APCDD1: variants seen among roughly 807,000 people sequenced by gnomAD.
APCDD1 encodes the protein APC down-regulated 1.
In APCDD1, 15 loss-of-function variants were observed where a neutral mutation model predicts 38.1. The observed-to-expected ratio is 0.39, with a 90% confidence interval of 0.26 to 0.61. The LOEUF (loss-of-function observed/expected upper bound fraction) is 0.61, where lower values mean the gene tolerates loss of function less well. APCDD1 is among the 20% of genes least tolerant of loss of function. The pLI is 0.49. For synonymous variants in APCDD1, 261 were observed against 279.7 expected, an observed-to-expected ratio of 0.93 and a Z score of 0.67; for missense variants, 647 against 696.2, an observed-to-expected ratio of 0.93 and a Z score of 0.79.
At chr18:10,479,270 A>T (rs910333905) in intron 3 of APCDD1, among the ~76,000 whole-genome samples, 1 of 152,224 alleles carries the variant, frequency 6.6e-6, no homozygotes, top group Non-Finnish European at 1.5e-5. Context: ...TAGGAAAGGA[A>T]GTTTCCATCA....
chr18:10,473,806 G>T (rs1311093085), intron 3 of APCDD1, among the ~76,000 whole-genome samples: 1 of 152,134 alleles, frequency 6.6e-6, no homozygotes, highest in Non-Finnish European at 1.5e-5. Context: ...CACTGTAGCT[G>T]CATAGCATTT....
chr18:10,463,205 CAG>C (rs1027500410), intron 1 of APCDD1, among the ~76,000 whole-genome samples: 3 of 152,096 alleles, frequency 2.0e-5, no homozygotes, highest in African/African-American at 7.2e-5. Flanking sequence ...ATATTCAAGA[CAG>C]AGATGCCTCT....
At chr18:10,460,008 GT>G (rs2030490564) in intron 1 of APCDD1, among the ~76,000 whole-genome samples, 1 of 152,184 alleles carries the variant, frequency 6.6e-6, no homozygotes, top group Admixed American at 6.5e-5. Context: ...TCAAGTTCAG[GT>G]TTTTTCCCTT....
rs512288 is a variant in APCDD1 at position 10,466,692 on chromosome 18, A to C, written c.59-1777A>C. On this transcript the variant is annotated intron_variant, in intron 1 of 4. Transcript: ENST00000355285. ...CACTCTAGTGGAGATGCCTTGCCTCAATGGAACTTGAGGCCTCAGGAAAGG... is the reference window on the plus strand; with the variant it reads ...CACTCTAGTGGAGATGCCTTGCCTCCATGGAACTTGAGGCCTCAGGAAAGG... 2.6e-5 allele frequency among the ~76,000 whole-genome samples: 4 copies of C among 152,082 alleles called. No individual in the cohort carries two copies. The South Asian group carries it at 8.3e-4, about 32-fold the overall frequency.
At chr18:10,465,072 A>G (rs1187267545) in intron 1 of APCDD1, among the ~76,000 whole-genome samples, 1 of 152,236 alleles carries the variant, frequency 6.6e-6, no homozygotes, top group African/African-American at 2.4e-5. Flanking sequence ...ACGAGTAGAC[A>G]GAGGCTTGGA....
In APCDD1 at chr18:10,454,938, A is replaced by G; in HGVS notation, c.-44A>G. On this transcript the variant is annotated 5_prime_UTR_variant, in exon 1 of 5. Coordinates refer to ENST00000355285, the MANE Select transcript of APCDD1 (RefSeq NM_153000.5). ...GCGCGCGCCCAGTTGCCCGGGCACCAAATCGGAGCGCGGCGTGCGGGAGGC... is the reference window on the plus strand; with the variant it reads ...GCGCGCGCCCAGTTGCCCGGGCACCGAATCGGAGCGCGGCGTGCGGGAGGC... The G allele has an allele frequency of 6.7e-7, 1 of 1,487,840 alleles. No individual in the cohort carries two copies. Among genetic ancestry groups the G allele is most frequent in the Non-Finnish European group, 9.0e-7 (1 of 1,115,868 alleles). 92.2% of individuals were successfully genotyped at this position (1,487,840 alleles called of 1,614,324 possible). A position where few individuals can be genotyped will look rare whatever the true frequency, so the allele number is the denominator to read the frequency against.
At chr18:10,482,864 A>G (rs951611209) in intron 3 of APCDD1, among the ~76,000 whole-genome samples, 5 of 152,338 alleles carry the variant, frequency 3.3e-5, no homozygotes, top group South Asian at 2.1e-4. Context: ...GTAGTTGACC[A>G]AGGAAACGTA....
intron 1 of APCDD1, among the ~76,000 whole-genome samples, chr18:10,462,869 A>C (rs903412668): frequency 2.0e-5 from 3 of 152,128 alleles, no homozygotes; most frequent in Non-Finnish European, 4.4e-5. Flanking sequence ...CCATTGCAGT[A>C]GCCTTATCAT....
At chr18:10,479,125 TTATC>T (rs1331792371) in intron 3 of APCDD1, among the ~76,000 whole-genome samples, 1 of 152,140 alleles carries the variant, frequency 6.6e-6, no homozygotes, top group Admixed American at 6.5e-5. Flanking sequence ...ACCTGCAGGG[TTATC>T]TACAGCAGAA....
intron 3 of APCDD1, among the ~76,000 whole-genome samples, chr18:10,481,267 A>C (rs762593892): frequency 6.6e-6 from 1 of 152,266 alleles, no homozygotes; most frequent in Non-Finnish European, 1.5e-5. Context: ...CATCAATCAC[A>C]GTAGCCAAGA....
chr18:10,460,487 C>T (rs1378683207), intron 1 of APCDD1, among the ~76,000 whole-genome samples: 2 of 149,878 alleles, frequency 1.3e-5, no homozygotes, highest in Non-Finnish European at 3.0e-5. Flanking sequence ...GAGCCGAGAT[C>T]GTGCCACTGC....
Position 10,468,556 on chromosome 18 carries a change from A to T in APCDD1, c.146A>T (p.Glu49Val), listed in dbSNP as rs1299346701. ...AAAAGTGCCTGGAGGGCTTTTAAGG[A>T]GTCACAGTGCCATCACATGCTCAAA... ...LEKSAWRAFK[E>V]SQCHHMLKHL... The change falls in exon 2 of 5, where the codon GAG becomes GTG. Residue 49 changes from glutamate (E) to valine (V), a missense_variant. Physicochemically the swap from Glu to Val is moderately radical, Grantham distance 121 (BLOSUM62 -2). Coordinates refer to ENST00000355285, the MANE Select transcript of APCDD1 (RefSeq NM_153000.5). 1.2e-6 allele frequency: 2 copies of T among 1,614,014 alleles called. No homozygotes were observed. Among genetic ancestry groups the T allele is most frequent in the Admixed American group, 1.7e-5 (1 of 60,006 alleles).
intron 3 of APCDD1, among the ~76,000 whole-genome samples, chr18:10,473,706 G>A (rs913073066): frequency 6.6e-6 from 1 of 152,148 alleles, no homozygotes; most frequent in Non-Finnish European, 1.5e-5. Flanking sequence ...GGTTGAGTGG[G>A]TGTCTTGGGA....
intron 1 of APCDD1, among the ~76,000 whole-genome samples, chr18:10,456,689 A>C (rs772392041): frequency 6.6e-6 from 1 of 152,144 alleles, no homozygotes; most frequent in Non-Finnish European, 1.5e-5. Flanking sequence ...TATACTTCCT[A>C]TTTAGCAGTC....
rs2030797252 is a variant in APCDD1, at chr18:10,469,372, G to C, written c.242+720G>C. On this transcript the variant is annotated intron_variant, in intron 2 of 4. Coordinates refer to ENST00000355285, the MANE Select transcript of APCDD1 (RefSeq NM_153000.5). The surrounding 1 kb of genome is among the most constrained non-coding windows in gnomAD (Gnocchi z 5.5). ...TATGGAGAAGAGAAAAAAAGAAATT[G>C]TATAAGATGATGAAGACCCAGAATT... Among the ~76,000 whole-genome samples, 2 of 152,140 alleles carry C rather than the reference G, an allele frequency of 1.3e-5. No homozygotes were observed. The highest frequency in any genetic ancestry group is 4.1e-4 in the South Asian group (2 of 4,834).
intron 3 of APCDD1, among the ~76,000 whole-genome samples, chr18:10,484,588 C>A (rs11080423): frequency 0.087 from 13,303 of 152,112 alleles, 771 homozygotes; most frequent in East Asian, 0.17. Context: ...CTTGTCCCCC[C>A]CTTCCAGCTC....
chr18:10,478,554 G>C (rs1307643789), intron 3 of APCDD1, among the ~76,000 whole-genome samples: 1 of 152,184 alleles, frequency 6.6e-6, no homozygotes, highest in Non-Finnish European at 1.5e-5. Context: ...ACCTCCCTCT[G>C]TATCCTCATG....
At chr18:10,474,142 T>TC (rs1484585043) in intron 3 of APCDD1, 2 of 152,220 alleles carry the variant, frequency 1.3e-5, no homozygotes, top group Non-Finnish European at 2.9e-5. Flanking sequence ...CAGGATGGTC[T>TC]CCAACTCCCG....
At chr18:10,459,469 A>G (rs1428604110) in intron 1 of APCDD1, among the ~76,000 whole-genome samples, 1 of 152,236 alleles carries the variant, frequency 6.6e-6, no homozygotes. Context: ...GGCACAGAAA[A>G]GTAACTTGTT....
Sources: allele counts gnomAD v4.1 joint callset (sites outside exome capture counted in the v4.1 genomes callset), GRCh38; gene constraint gnomAD v4.1.1; non-coding constraint Gnocchi (gnomAD v3.1); transcripts MANE v1.5; gene names NCBI Gene and HGNC (gene_info 2026-07-23, HGNC 2026-07-21).